The following UBR3 variants were observed in gnomAD, a reference collection of about 807,000 sequenced individuals.
The protein encoded by UBR3 is E3 ubiquitin-protein ligase UBR3.
A neutral mutation model predicts 243.2 loss-of-function variants in UBR3; 85 were observed. The ratio of observed to expected loss-of-function variants is 0.35; its 90% CI spans 0.29 to 0.42. The LOEUF is 0.42. Among genes scored for constraint, UBR3 ranks in the 10% least tolerant of loss-of-function variants. UBR3 has a pLI of 1.00. For synonymous variants in UBR3, 748 were observed against 799.8 expected (o/e 0.94, Z 1.09); for missense variants, 1,686 against 2,300.8 (o/e 0.73, Z 5.47).
chr2:170,016,508 G>C (rs1267165144), intron 30 of UBR3, among the ~76,000 whole-genome samples: 1 of 151,718 alleles, frequency 6.6e-6, no homozygotes, highest in African/African-American at 2.4e-5. Flanking sequence ...GGGAGTTTTA[G>C]TTTCTAATCT....
intron 5 of UBR3, among the ~76,000 whole-genome samples, chr2:169,883,945 G>A (rs1011016550): frequency 7.9e-5 from 12 of 151,818 alleles, no homozygotes; most frequent in Admixed American, 3.3e-4. Context: ...TGATTCTCCC[G>A]TCTCAGCCTC....
intron 24 of UBR3, among the ~76,000 whole-genome samples, chr2:169,977,442 C>A (rs1400510860): frequency 6.6e-6 from 1 of 152,112 alleles, no homozygotes; most frequent in African/African-American, 2.4e-5. Context: ...GTCTAAAACC[C>A]TCAAAACCAG....
chr2:169,887,295 A>G (rs976871961), intron 5 of UBR3, among the ~76,000 whole-genome samples: 34 of 152,186 alleles, frequency 2.2e-4, no homozygotes, highest in Non-Finnish European at 1.2e-4. Flanking sequence ...GGCTGTACAA[A>G]TGCTGTCTGG....
rs568219839 is a variant in UBR3, at chr2:170,050,204, T to C, written c.4661-5256T>C. ...CAGAGAGAAAATAGACTTGAGTTTT[T>C]CACACAGAAAAGAACATCACAAATT... On this transcript the variant is annotated intron_variant, in intron 32 of 38. Coordinates refer to ENST00000272793, the MANE Select transcript of UBR3 (RefSeq NM_172070.4). 6.5e-4 allele frequency among the ~76,000 whole-genome samples: 99 copies of C among 152,314 alleles called. 1 individual carries two copies. Among genetic ancestry groups the C allele is most frequent in the Non-Finnish European group, 1.2e-3 (80 of 68,024 alleles).
At chr2:169,932,770 C>G (rs950928962) in intron 18 of UBR3, 142 bp from the exon 19 acceptor site, 105 of 648,172 alleles carry the variant, frequency 1.6e-4, no homozygotes, top group South Asian at 1.2e-4. Flanking sequence ...ATCATGGCAT[C>G]AAGCTTCTTA....
intron 1 of UBR3, among the ~76,000 whole-genome samples, chr2:169,843,903 T>G (rs1225143170): frequency 6.6e-6 from 1 of 152,236 alleles, no homozygotes; most frequent in Admixed American, 6.5e-5. Flanking sequence ...AGTTTGTCCG[T>G]GAAACAATCT....
intron 30 of UBR3, 140 bp downstream of exon 30, chr2:170,015,506 C>T (rs2105411190): frequency 1.8e-6 from 1 of 557,476 alleles, no homozygotes; most frequent in Non-Finnish European, 3.1e-6. Flanking sequence ...CTTTAAATGG[C>T]TAATCTTGTA....
chr2:169,901,822 T>G (rs1263159342), intron 8 of UBR3, among the ~76,000 whole-genome samples: 1 of 152,232 alleles, frequency 6.6e-6, no homozygotes, highest in Non-Finnish European at 1.5e-5. Context: ...CCCAGAAATT[T>G]TAGAATTTAT....
intron 24 of UBR3, among the ~76,000 whole-genome samples, chr2:169,961,127 T>TAATTGAGTAG (rs1313954935): frequency 6.6e-6 from 1 of 152,100 alleles, no homozygotes; most frequent in African/African-American, 2.4e-5. Flanking sequence ...ATGATATCTC[T>TAATTGAGTAG]ATTATTCTAT....
chr2:169,836,525 C>A (rs191280850), intron 1 of UBR3, among the ~76,000 whole-genome samples: 2 of 151,908 alleles, frequency 1.3e-5, no homozygotes, highest in African/African-American at 4.8e-5. Context: ...GAAAAAATAG[C>A]TAATGCATGC....
Position 169,924,185 on chromosome 2 carries a change from G to A in UBR3, c.2022+12G>A. 6 of 1,525,976 alleles carry A rather than the reference G, an allele frequency of 3.9e-6. No individual in the cohort carries two copies. Among genetic ancestry groups the A allele is most frequent in the Non-Finnish European group, 5.3e-6 (6 of 1,138,328 alleles). 94.5% of individuals were successfully genotyped at this position (1,525,976 alleles called of 1,614,324 possible). A position where few individuals can be genotyped will look rare whatever the true frequency, so the allele number is the denominator to read the frequency against. On this transcript the variant is annotated intron_variant, in intron 13 of 38. Transcript: ENST00000272793. ...CACTCCAAATTCAAGTATGTATTCA[G>A]GCATTTAAAAAGTTTTGAAGTGGAT...
intron 24 of UBR3, among the ~76,000 whole-genome samples, chr2:169,970,326 A>T (rs1574310507): frequency 7.1e-6 from 1 of 140,662 alleles, no homozygotes; most frequent in Non-Finnish European, 1.5e-5. Context: ...AACACTACTG[A>T]TTTTTTTTTA....
chr2:169,852,659 G>A (rs947237421), intron 1 of UBR3, among the ~76,000 whole-genome samples: 17 of 150,994 alleles, frequency 1.1e-4, no homozygotes, highest in Non-Finnish European at 2.1e-4. Flanking sequence ...GTTGACCAAC[G>A]GGGTGAAGCC....
At chr2:170,019,501 T>G (rs1464680452) in intron 30 of UBR3, among the ~76,000 whole-genome samples, 1 of 151,852 alleles carries the variant, frequency 6.6e-6, no homozygotes, top group Non-Finnish European at 1.5e-5. Context: ...CTGGGCAACA[T>G]AGGGAGAACC....
At chr2:169,872,432 T>G in intron 2 of UBR3, 57 bp downstream of exon 2, 1 of 1,277,774 alleles carries the variant, frequency 7.8e-7, no homozygotes, top group Non-Finnish European at 1.1e-6. Flanking sequence ...TTTACAAAGT[T>G]TTAGTATTAA....
At position 169,891,251 on chromosome 2, in the gene UBR3, T is replaced by A. The variant is rs989367235; in HGVS notation, c.1105+20T>A. 4 of 1,531,668 alleles carry A rather than the reference T, an allele frequency of 2.6e-6. No individual in the cohort carries two copies. Among genetic ancestry groups the A allele is most frequent in the East Asian group, 2.5e-5 (1 of 40,636 alleles). 94.9% of individuals were successfully genotyped at this position (1,531,668 alleles called of 1,614,324 possible). ...CCAAAGGTATTTGTATTTATTATTA[T>A]TTTTTTCCTTGAATAAAATGCTTCT... is the stretch of plus-strand genomic sequence containing the variant. On this transcript the variant is annotated intron_variant, in intron 6 of 38. Coordinates refer to ENST00000272793, the MANE Select transcript of UBR3 (RefSeq NM_172070.4).
chr2:170,072,022 C>T (rs1381132216), intron 35 of UBR3, among the ~76,000 whole-genome samples: 1 of 152,142 alleles, frequency 6.6e-6, no homozygotes, highest in Non-Finnish European at 1.5e-5. Flanking sequence ...GGCGATTCCT[C>T]AGGGATCTAG....
intron 32 of UBR3, 124 bp from the exon 33 acceptor site, chr2:170,055,336 A>C (rs936483446): frequency 2.2e-5 from 26 of 1,159,330 alleles, no homozygotes; most frequent in Middle Eastern, 2.8e-4. Context: ...AACAAACAAA[A>C]AAACTATTAA....
chr2:169,890,525 G>GGAGAGAGAGAGAGA (rs781214598), intron 5 of UBR3, among the ~76,000 whole-genome samples: 67 of 67,856 alleles, frequency 9.9e-4, no homozygotes, highest in African/African-American at 4.0e-3. Context: ...GGTTTTTCTA[G>GGAGAGAGAGAGAGA]GAGAGAGAGA....
Sources: gnomAD v4.1 joint callset for allele counts (sites outside exome capture counted in the v4.1 genomes callset) on GRCh38, gnomAD v4.1.1 for gene constraint, MANE v1.5 for transcripts, NCBI Gene and HGNC (gene_info 2026-07-23, HGNC 2026-07-21) for gene names.